Variants in PTPRM observed in about 807,000 individuals in gnomAD.
PTPRM encodes the protein receptor-type tyrosine-protein phosphatase mu.
Under a neutral mutation model 186.7 loss-of-function variants are expected in PTPRM, and 47 were observed. The observed-to-expected ratio is 0.25, with a 90% CI of 0.20 to 0.32. The LOEUF (loss-of-function observed/expected upper bound fraction) is 0.32. PTPRM is among the 10% of genes least tolerant of loss of function. The probability of loss-of-function intolerance (pLI) is 1.00; values close to 1 mark genes in which losing one functional copy is unlikely to be tolerated. For missense variants in PTPRM, 1,494 were observed against 1,865.0 expected (o/e 0.80, Z 3.66); for synonymous variants, 668 against 674.9 (o/e 0.99, Z 0.16).
chr18:8,218,984 A>G (rs1285560268), intron 14 of PTPRM, among the ~76,000 whole-genome samples: 1 of 152,150 alleles, frequency 6.6e-6, no homozygotes, highest in Admixed American at 6.5e-5. Flanking sequence ...AGGGAAACTG[A>G]TGGAGCTCTC....
chr18:8,229,835 G>A (rs1180068555), intron 14 of PTPRM, among the ~76,000 whole-genome samples: 1 of 152,102 alleles, frequency 6.6e-6, no homozygotes, highest in Non-Finnish European at 1.5e-5. Flanking sequence ...ATATATATAT[G>A]TGTGTATACA....
chr18:8,217,049 A>C (rs565849041), intron 14 of PTPRM, among the ~76,000 whole-genome samples: 3 of 152,232 alleles, frequency 2.0e-5, no homozygotes, highest in Non-Finnish European at 4.4e-5. Flanking sequence ...AGAAATTTCT[A>C]TCTCTTTCAT....
chr18:8,065,215 C>T (rs1455820106), intron 7 of PTPRM, among the ~76,000 whole-genome samples: 1 of 152,096 alleles, frequency 6.6e-6, no homozygotes, highest in East Asian at 1.9e-4. Context: ...GTGAATTGAA[C>T]CTGCAATGGA....
chr18:7,805,682 A>T (rs752026125), intron 2 of PTPRM, among the ~76,000 whole-genome samples: 7 of 152,170 alleles, frequency 4.6e-5, no homozygotes, highest in Non-Finnish European at 7.3e-5. Flanking sequence ...AGGGCAGAAG[A>T]CATGGTTTAT....
chr18:8,085,960 C>CACACT (rs1329071048), intron 10 of PTPRM, 88 bp downstream of exon 10: 3 of 1,274,132 alleles, frequency 2.4e-6, no homozygotes, highest in Non-Finnish European at 3.4e-6. Context: ...CAAGCTCGCC[C>CACACT]ACACTAACAT....
intron 14 of PTPRM, among the ~76,000 whole-genome samples, chr18:8,193,526 G>A (rs1396410237): frequency 2.6e-5 from 4 of 152,246 alleles, no homozygotes; most frequent in Admixed American, 2.6e-4. Context: ...GCTATGGTCA[G>A]CTGTAATGAA....
At chr18:7,710,526 G>A in intron 1 of PTPRM, among the ~76,000 whole-genome samples, 1 of 152,090 alleles carries the variant, frequency 6.6e-6, no homozygotes, top group Non-Finnish European at 1.5e-5. Flanking sequence ...ATTCAACACA[G>A]TAATGGAAGT....
At chr18:8,080,202 A>G (rs1261973888) in intron 9 of PTPRM, among the ~76,000 whole-genome samples, 2 of 152,144 alleles carry the variant, frequency 1.3e-5, no homozygotes, top group Non-Finnish European at 2.9e-5. Flanking sequence ...TTCTATCAAA[A>G]TGTAAACATA....
intron 7 of PTPRM, among the ~76,000 whole-genome samples, chr18:7,972,999 C>G (rs1007653142): frequency 6.6e-6 from 1 of 152,090 alleles, no homozygotes; most frequent in African/African-American, 2.4e-5. Context: ...ATTTTCTGAA[C>G]AGCTCTCTAG....
intron 1 of PTPRM, among the ~76,000 whole-genome samples, chr18:7,688,854 G>C (rs549764612): frequency 1.3e-5 from 2 of 152,312 alleles, no homozygotes. Context: ...ATATCCCTTA[G>C]AAGGAGACAG....
At chr18:8,037,013 T>G (rs2086375877) in intron 7 of PTPRM, among the ~76,000 whole-genome samples, 1 of 152,182 alleles carries the variant, frequency 6.6e-6, no homozygotes, top group Non-Finnish European at 1.5e-5. Context: ...GCTCCTTGTT[T>G]TATGAAAGAA....
At chr18:8,213,103 G>T (rs77636711) in intron 14 of PTPRM, among the ~76,000 whole-genome samples, 2 of 152,160 alleles carry the variant, frequency 1.3e-5, no homozygotes, top group South Asian at 4.1e-4. Flanking sequence ...GCATGATGGG[G>T]CACCCTGTCC....
At chr18:7,659,360 G>C (rs2038927806) in intron 1 of PTPRM, among the ~76,000 whole-genome samples, 1 of 152,074 alleles carries the variant, frequency 6.6e-6, no homozygotes, top group South Asian at 2.1e-4. Context: ...ACTATCTATT[G>C]AATAAGTGAA....
At chr18:8,052,911 G>A (rs1024275794) in intron 7 of PTPRM, among the ~76,000 whole-genome samples, 8 of 152,142 alleles carry the variant, frequency 5.3e-5, no homozygotes, top group Non-Finnish European at 4.4e-5. Context: ...TGACTCTAAT[G>A]TGCATTTCTC....
At chr18:8,182,141 A>G (rs910824529) in intron 14 of PTPRM, among the ~76,000 whole-genome samples, 1 of 152,220 alleles carries the variant, frequency 6.6e-6, no homozygotes, top group African/African-American at 2.4e-5. Flanking sequence ...GAATATGTTT[A>G]TAGTTGCTGA....
chr18:8,392,208 A>G (rs55909373), intron 31 of PTPRM, among the ~76,000 whole-genome samples: 1 of 151,376 alleles, frequency 6.6e-6, no homozygotes, highest in Non-Finnish European at 1.5e-5. Flanking sequence ...TGGATTTTTT[A>G]AAAAAGCAGC....
At chr18:7,955,456 C>T in intron 7 of PTPRM, 42 bp downstream of exon 7, 1 of 1,568,214 alleles carries the variant, frequency 6.4e-7, no homozygotes, top group South Asian at 1.2e-5. Flanking sequence ...ATTGTCTTTC[C>T]TGGTGTTGAC....
chr18:8,264,561 G>C (rs1008838697), intron 19 of PTPRM, among the ~76,000 whole-genome samples: 1 of 152,016 alleles, frequency 6.6e-6, no homozygotes, highest in African/African-American at 2.4e-5. Flanking sequence ...ATGAGGTCAG[G>C]AGATCGAGAC....
chr18:7,688,198 T>C (rs1332751896), intron 1 of PTPRM, among the ~76,000 whole-genome samples: 1 of 152,174 alleles, frequency 6.6e-6, no homozygotes, highest in East Asian at 1.9e-4. Flanking sequence ...CCCAGCCCGG[T>C]AGCACTTTTG....
Sources: gnomAD v4.1 joint callset for allele counts (sites outside exome capture counted in the v4.1 genomes callset) on GRCh38, gnomAD v4.1.1 for gene constraint, MANE v1.5 for transcripts, NCBI Gene and HGNC (gene_info 2026-07-23, HGNC 2026-07-21) for gene names.